The following SND1 variants were observed in gnomAD, a reference collection of about 807,000 sequenced individuals.
SND1 encodes staphylococcal nuclease domain-containing protein 1.
In SND1, 38 loss-of-function variants were observed where a neutral mutation model predicts 121.7. The observed-to-expected ratio is 0.31, with a 90% CI of 0.24 to 0.41. The LOEUF is 0.41. Among genes scored for constraint, SND1 ranks in the 10% least tolerant of loss-of-function variants. SND1 has a pLI of 1.00. For missense variants in SND1, 868 were observed against 1,184.6 expected (o/e 0.73, Z 3.92); for synonymous variants, 401 against 447.4 (o/e 0.90, Z 1.31).
chr7:127,738,383 A>C (rs1048487880), intron 10 of SND1, among the ~76,000 whole-genome samples: 5 of 146,136 alleles, frequency 3.4e-5, no homozygotes, highest in African/African-American at 1.0e-4. Flanking sequence ...GGTTCAATCG[A>C]TTCTCTTGCC....
chr7:127,983,285 C>T (rs1035001924), intron 15 of SND1, among the ~76,000 whole-genome samples: 2 of 152,108 alleles, frequency 1.3e-5, no homozygotes, highest in African/African-American at 4.8e-5. Context: ...GGTACTCAGG[C>T]AGAGGTATGG....
At position 128,075,106 on chromosome 7, in the gene SND1, C is replaced by T. The variant is rs28613957; in HGVS notation, c.1968+416C>T. The stretch of plus-strand genomic sequence containing the variant: ...CATCTGAATTTCCTTCACATTGCCC[C>T]GTGGGGAAACAACCCTAGGAGAGGC... On this transcript the variant is annotated intron_variant, in intron 17 of 23. Transcript: ENST00000354725. Among the ~76,000 whole-genome samples, 845 of 152,322 alleles carry T rather than the reference C, an allele frequency of 5.5e-3. 11 individuals carry two copies. Among genetic ancestry groups the T allele is most frequent in the African/African-American group, 0.019 (795 of 41,576 alleles).
At chr7:127,806,949 A>T (rs1188744290) in intron 10 of SND1, among the ~76,000 whole-genome samples, 1 of 151,788 alleles carries the variant, frequency 6.6e-6, no homozygotes, top group Non-Finnish European at 1.5e-5. Flanking sequence ...ACAGAGCAAG[A>T]CTCTGTCTGA....
chr7:127,777,367 A>G (rs1183064805), intron 10 of SND1, among the ~76,000 whole-genome samples: 2 of 152,234 alleles, frequency 1.3e-5, no homozygotes, highest in East Asian at 1.9e-4. Flanking sequence ...AAATGTTGGA[A>G]AACTCAGAAA....
chr7:128,090,069 C>G (rs1181395177), intron 22 of SND1, among the ~76,000 whole-genome samples: 1 of 152,106 alleles, frequency 6.6e-6, no homozygotes, highest in African/African-American at 2.4e-5. Context: ...CTCCTAACAC[C>G]CAGTGCCACC....
Position 128,029,230 on chromosome 7 carries a change from G to C in SND1, c.1779+38174G>C. On this transcript the variant is annotated intron_variant, in intron 16 of 23. Coordinates refer to ENST00000354725, the MANE Select transcript of SND1 (RefSeq NM_014390.4). This position sits in a 1 kb window ranked among gnomAD's most constrained non-coding sequence, Gnocchi z 4.2. The stretch of plus-strand genomic sequence containing the variant: ...GTGGTAGGAACAGGCTTGTACTTTC[G>C]CGTTGTGTCCTCAGGCGAGATCTCC... 8 of 1,614,056 alleles carry C rather than the reference G, an allele frequency of 5.0e-6. No individual in the cohort carries two copies. Among genetic ancestry groups the C allele is most frequent in the Non-Finnish European group, 5.9e-6 (7 of 1,180,030 alleles).
chr7:127,990,986 T>C lies in SND1; in HGVS notation c.1709T>C (p.Leu570Ser). The C allele has an allele frequency of 1.2e-6, 2 of 1,614,038 alleles. No homozygotes were observed. The highest frequency in any genetic ancestry group is 2.2e-5 in the East Asian group (1 of 44,874). The change falls in exon 16 of 24, where the codon TTG becomes TCG. Residue 570 changes from leucine (L) to serine (S), a missense_variant. This residue lies in a region of SND1 where 743 missense variants were observed against 1,071.3 expected (regional missense o/e 0.69). Coordinates refer to ENST00000354725, the MANE Select transcript of SND1 (RefSeq NM_014390.4). ...CPRGARNLPG[L>S]VQEGEPFSEE... ...AGAGGAGCCCGAAACCTCCCAGGCTTGGTGCAGGAAGGAGAGCCCTTCAGC... is the reference window on the plus strand; with the variant it reads ...AGAGGAGCCCGAAACCTCCCAGGCTCGGTGCAGGAAGGAGAGCCCTTCAGC...
intron 1 of SND1, among the ~76,000 whole-genome samples, chr7:127,672,705 G>T (rs936797454): frequency 1.3e-5 from 2 of 152,026 alleles, no homozygotes; most frequent in Non-Finnish European, 2.9e-5. Flanking sequence ...TTGCCCCAGG[G>T]TCACCTATTA....
At chr7:128,039,694 C>G (rs1226830163) in intron 16 of SND1, among the ~76,000 whole-genome samples, 1 of 152,128 alleles carries the variant, frequency 6.6e-6, no homozygotes, top group Non-Finnish European at 1.5e-5. Context: ...TATCTGTGCT[C>G]ATGTACACAT....
chr7:127,712,680 C>T (rs529281555), intron 9 of SND1, among the ~76,000 whole-genome samples: 48 of 152,326 alleles, frequency 3.2e-4, no homozygotes, highest in Admixed American at 1.4e-3. Flanking sequence ...TAAGTTACTA[C>T]TCATCCATCT....
chr7:127,969,552 C>T lies in SND1; in HGVS notation c.1670-21395C>T, dbSNP rs549964358. ...CAGCCTGGCTAACATGGTGAAATCC[C>T]GTCTCTACTAAAAATACAAGAATTA... On this transcript the variant is annotated intron_variant, in intron 15 of 23. Transcript: ENST00000354725. Among the ~76,000 whole-genome samples, 150 of 152,168 alleles carry T rather than the reference C, an allele frequency of 9.9e-4. 1 individual carries two copies. Among genetic ancestry groups the T allele is most frequent in the Non-Finnish European group, 1.9e-3 (128 of 68,008 alleles).
Position 128,091,841 on chromosome 7 carries a change from C to T in SND1, c.2627C>T (p.Thr876Ile). The change falls in exon 23 of 24, where the codon ACA becomes ATA. Residue 876 changes from threonine to isoleucine, a missense_variant. Around this residue, in one of 2 missense-constraint regions of SND1, gnomAD observed 743 missense variants for 1,071.3 expected, o/e 0.69. Transcript: ENST00000354725. ...TTTCTTCTCTCGTCCCTCCAGATCA[C>T]AGAATACCTGAATGCCCAAGAGTCA... Reference protein sequence around the residue: ...RKEKQFQKVITEYLNAQESAK... With the variant: ...RKEKQFQKVIIEYLNAQESAK... 6.2e-7 allele frequency: 1 copy of T among 1,614,184 alleles called. No individual in the cohort carries two copies. Among genetic ancestry groups the T allele is most frequent in the Non-Finnish European group, 8.5e-7 (1 of 1,180,020 alleles).
At chr7:128,032,217 C>G (rs922448484) in intron 16 of SND1, 1 of 151,554 alleles carries the variant, frequency 6.6e-6, no homozygotes, top group Non-Finnish European at 1.5e-5. Flanking sequence ...CCGGCGCCTT[C>G]CAGCGCCGCG....
At chr7:127,832,996 T>G (rs1033674264) in intron 11 of SND1, among the ~76,000 whole-genome samples, 10 of 152,186 alleles carry the variant, frequency 6.6e-5, no homozygotes, top group Non-Finnish European at 1.3e-4. Flanking sequence ...CCACCATCCA[T>G]GTAAAAATTG....
intron 14 of SND1, among the ~76,000 whole-genome samples, chr7:127,913,770 A>G (rs1007065731): frequency 6.6e-6 from 1 of 151,974 alleles, no homozygotes; most frequent in Non-Finnish European, 1.5e-5. Flanking sequence ...CCCCAGATTC[A>G]CTCTCCACTT....
intron 1 of SND1, among the ~76,000 whole-genome samples, chr7:127,662,000 C>T (rs548745566): frequency 9.2e-5 from 14 of 152,108 alleles, no homozygotes; most frequent in East Asian, 1.9e-4. Context: ...CCTGTAATCC[C>T]GGTTACTCAA....
At chr7:127,984,098 T>A (rs1802329414) in intron 15 of SND1, among the ~76,000 whole-genome samples, 1 of 152,194 alleles carries the variant, frequency 6.6e-6, no homozygotes, top group Non-Finnish European at 1.5e-5. Flanking sequence ...CCCTGAGTCA[T>A]TTTCCCCTGC....
chr7:128,082,608 C>T (rs1282159797), intron 18 of SND1, among the ~76,000 whole-genome samples: 2 of 152,244 alleles, frequency 1.3e-5, no homozygotes, highest in Non-Finnish European at 2.9e-5. Context: ...AGGTCAGCCA[C>T]AGTCCTGCTG....
chr7:127,843,234 C>A (rs1798996834), intron 11 of SND1, among the ~76,000 whole-genome samples: 2 of 152,090 alleles, frequency 1.3e-5, no homozygotes, highest in African/African-American at 2.4e-5. Flanking sequence ...TTGAGCCTAC[C>A]TTAACACATC....
Sources: allele counts gnomAD v4.1 joint callset (sites outside exome capture counted in the v4.1 genomes callset), GRCh38; gene constraint gnomAD v4.1.1; regional missense constraint gnomAD v4.1.1; non-coding constraint Gnocchi (gnomAD v3.1); transcripts MANE v1.5; gene names NCBI Gene and HGNC (gene_info 2026-07-23, HGNC 2026-07-21).